The following SEMA3F variants were observed in gnomAD, a reference collection of about 807,000 sequenced individuals.
SEMA3F encodes the protein semaphorin-3F.
A neutral mutation model predicts 98.5 loss-of-function variants in SEMA3F; 30 were observed. The ratio of observed to expected loss-of-function variants is 0.30; its 90% CI spans 0.23 to 0.41. The LOEUF (loss-of-function observed/expected upper bound fraction) is 0.41, where lower values mean the gene tolerates loss of function less well. Among genes scored for constraint, SEMA3F ranks in the 10% least tolerant of loss-of-function variants. The pLI is 1.00. For missense variants in SEMA3F, 866 were observed against 1,119.3 expected (o/e 0.77, Z 3.23); for synonymous variants, 380 against 444.8 (o/e 0.85, Z 1.83).
intron 2 of SEMA3F, among the ~76,000 whole-genome samples, chr3:50,167,277 A>G (rs1698438163): frequency 6.6e-6 from 1 of 152,194 alleles, no homozygotes; most frequent in Non-Finnish European, 1.5e-5. Context: ...TGCATGGACC[A>G]TGGGGAAGGC....
Position 50,175,105 on chromosome 3 carries a change from T to C in SEMA3F, c.466T>C (p.Trp156Arg), listed in dbSNP as rs1227769631. 6.7e-6 allele frequency: 10 copies of C among 1,482,276 alleles called. No individual in the cohort carries two copies. Among genetic ancestry groups the C allele is most frequent in the East Asian group, 3.0e-5 (1 of 32,846 alleles). The allele number at this position is 1,482,276 out of a possible 1,614,324, so 91.8% of individuals were successfully genotyped here. ...TTCCTCGTCTTCTCAGGCCACACCA[T>C]GGACCCAGACTCAGGCGGTCAGAGG... ...NRGRRAQATP[W>R]TQTQAVRGRG... is the part of the protein sequence containing the mutation. Residue 156 changes from tryptophan (W) to arginine (R), a missense_variant, in exon 6 of 19, where the codon TGG (tryptophan) becomes CGG (arginine). Physicochemically the swap from Trp to Arg is moderately radical, Grantham distance 101. Transcript: ENST00000002829.
chr3:50,183,495 C>A lies in SEMA3F; in HGVS notation c.1164C>A (p.Ala388=), dbSNP rs1425665346. 6.2e-7 allele frequency: 1 copy of A among 1,614,076 alleles called. No individual in the cohort carries two copies. The change falls in exon 12 of 19, where the codon GCC becomes GCA. Residue 388 remains alanine (A), a synonymous_variant. Transcript: ENST00000002829. ...GCATGGTCTTCAACGGGCCCTTTGC[C>A]CACAAAGAGGGGCCCAACTACCAGT... is the stretch of plus-strand genomic sequence containing the variant. ...DIRMVFNGPF[A]HKEGPNYQWM... is the part of the protein sequence containing the mutation.
chr3:50,167,997 C>T lies in SEMA3F; in HGVS notation c.113-5796C>T, dbSNP rs144691481. ...AGAGCGGTTATTGAATAAAAACACG[C>T]GGAGTCATTTACATGTTAATTATGT... On this transcript the variant is annotated intron_variant, in intron 2 of 18. Coordinates refer to ENST00000002829, the MANE Select transcript of SEMA3F (RefSeq NM_004186.5). 1.6e-4 allele frequency among the ~76,000 whole-genome samples: 25 copies of T among 152,284 alleles called. 1 individual carries two copies. In the East Asian group the frequency reaches 1.9e-3, roughly 12 times the overall value.
chr3:50,178,848 T>TG (rs1698915258), intron 7 of SEMA3F, among the ~76,000 whole-genome samples: 1 of 142,296 alleles, frequency 7.0e-6, no homozygotes, highest in South Asian at 2.4e-4. Context: ...TTTTTTTTTT[T>TG]TGAGATGGAG....
intron 5 of SEMA3F, 50 bp downstream of exon 5, chr3:50,174,400 C>T (rs753105855): frequency 2.8e-5 from 44 of 1,575,176 alleles, no homozygotes; most frequent in Non-Finnish European, 3.7e-5. Flanking sequence ...GTGGCTGCAT[C>T]CCAGGGTCCT....
At position 50,155,835 on chromosome 3, in the gene SEMA3F, A is replaced by G; in HGVS notation, c.-49+271A>G. On this transcript the variant is annotated intron_variant, in intron 1 of 18. Transcript: ENST00000002829. The surrounding 1 kb of genome is among the most constrained non-coding windows in gnomAD (Gnocchi z 4.9). Reference sequence around the variant, plus strand: ...ATGTGCAAAGCAACTTTTTCCTGCAAGGTTCTGGGTGGGTGCTCTCATACA... The same window carrying G: ...ATGTGCAAAGCAACTTTTTCCTGCAGGGTTCTGGGTGGGTGCTCTCATACA... 6.0e-6 allele frequency: 1 copy of G among 165,864 alleles called. No individual in the cohort carries two copies. Among genetic ancestry groups the G allele is most frequent in the Non-Finnish European group, 1.3e-5 (1 of 77,014 alleles). 10.3% of individuals were successfully genotyped at this position (165,864 alleles called of 1,614,324 possible). A position where few individuals can be genotyped will look rare whatever the true frequency, so the allele number is the denominator to read the frequency against.
chr3:50,165,455 C>A (rs956313395), intron 2 of SEMA3F, among the ~76,000 whole-genome samples: 3 of 152,178 alleles, frequency 2.0e-5, no homozygotes, highest in Non-Finnish European at 4.4e-5. Context: ...CTGGTTGGGA[C>A]GCACAGTTGG....
At chr3:50,155,107 C>A, upstream of SEMA3F, 2 of 413,236 alleles carry the variant, frequency 4.8e-6, no homozygotes, top group Non-Finnish European at 4.5e-6. This position sits in a 1 kb window ranked among gnomAD's most constrained non-coding sequence, Gnocchi z 4.9. Context: ...GCGAACGAAC[C>A]GCGGCGGTCC....
At chr3:50,165,572 A>G (rs1698373777) in intron 2 of SEMA3F, among the ~76,000 whole-genome samples, 1 of 152,170 alleles carries the variant, frequency 6.6e-6, no homozygotes, top group African/African-American at 2.4e-5. Context: ...GGCAGAAAGC[A>G]TGTTTGCCTG....
chr3:50,183,356 C>A, intron 11 of SEMA3F, 64 bp from the exon 12 acceptor site: 1 of 1,603,592 alleles, frequency 6.2e-7, no homozygotes, highest in Non-Finnish European at 8.5e-7. Context: ...GGGGAGGGGG[C>A]AGTTTGGGGA....
In SEMA3F at chr3:50,160,281, C is replaced by A. The variant is rs115249713; in HGVS notation, c.112+547C>A. ...TCCAGGAGGGGACTGTTGGCTGTGA[C>A]TGGCAGGGAGGCCGCCGGTGGGTTC... On this transcript the variant is annotated intron_variant, in intron 2 of 18. Transcript: ENST00000002829. 3.0e-3 allele frequency among the ~76,000 whole-genome samples: 459 copies of A among 152,300 alleles called. 3 individuals carry two copies. The highest frequency in any genetic ancestry group is 0.011 in the African/African-American group (448 of 41,568).
At chr3:50,162,082 C>A (rs1005918928) in intron 2 of SEMA3F, among the ~76,000 whole-genome samples, 12 of 152,194 alleles carry the variant, frequency 7.9e-5, no homozygotes, top group African/African-American at 2.4e-4. Flanking sequence ...CAGTTGACAC[C>A]CCAGGCCTCA....
In SEMA3F at chr3:50,182,926, G is replaced by A; in HGVS notation, c.926G>A (p.Cys309Tyr). Residue 309 changes from cysteine to tyrosine, a missense_variant, in exon 10 of 19, where the codon TGC (cysteine) becomes TAC (tyrosine). Transcript: ENST00000002829. This position sits in a 1 kb window ranked among gnomAD's most constrained non-coding sequence, Gnocchi z 4.5. Reference protein sequence around the residue: ...ICLNDDGGHCCLVNKWSTFLK... With the variant: ...ICLNDDGGHCYLVNKWSTFLK... The stretch of plus-strand genomic sequence containing the variant: ...CAGAACGATGACGGTGGTCACTGTT[G>A]CCTGGTCAACAAGTGGAGCACATTC... 6.2e-7 allele frequency: 1 copy of A among 1,613,928 alleles called. No individual in the cohort carries two copies. Among genetic ancestry groups the A allele is most frequent in the Non-Finnish European group, 8.5e-7 (1 of 1,180,000 alleles).
At position 50,183,232 on chromosome 3, in the gene SEMA3F, T is replaced by G; in HGVS notation, c.1065T>G (p.Ile355Met). Residue 355 changes from isoleucine to methionine, a missense_variant, in exon 11 of 19, where the codon ATT becomes ATG. Physicochemically the swap from Ile to Met is conservative, Grantham distance 10 (BLOSUM62 1). This residue lies in a region of SEMA3F where 374 missense variants were observed against 582.8 expected (regional missense o/e 0.64). Coordinates refer to ENST00000002829, the MANE Select transcript of SEMA3F (RefSeq NM_004186.5). ...CCCAGGACGTGAGGAACCCTGTCAT[T>G]TACGCTGTCTTTACCTCCTCTGGGT... ...QQTQDVRNPVIYAVFTSSGSV... is the reference protein window; with the variant it reads ...QQTQDVRNPVMYAVFTSSGSV... 1 of 1,614,122 alleles carries G rather than the reference T, an allele frequency of 6.2e-7. No individual in the cohort carries two copies. Among genetic ancestry groups the G allele is most frequent in the Non-Finnish European group, 8.5e-7 (1 of 1,180,010 alleles).
intron 12 of SEMA3F, among the ~76,000 whole-genome samples, chr3:50,183,852 G>A (rs778407638): frequency 1.6e-4 from 24 of 152,204 alleles, no homozygotes; most frequent in African/African-American, 5.8e-4. Flanking sequence ...TTCCCTGCAG[G>A]TGCTGGAGGC....
At chr3:50,160,707 C>T (rs1446626024) in intron 2 of SEMA3F, among the ~76,000 whole-genome samples, 1 of 152,236 alleles carries the variant, frequency 6.6e-6, no homozygotes, top group African/African-American at 2.4e-5. Flanking sequence ...GATTTCCGGG[C>T]AGCCATACTG....
upstream of SEMA3F, chr3:50,155,186 C>A (rs1305683314): frequency 2.9e-6 from 1 of 343,344 alleles, no homozygotes; most frequent in Admixed American, 4.8e-5. This position sits in a 1 kb window ranked among gnomAD's most constrained non-coding sequence, Gnocchi z 4.9. Flanking sequence ...CGCGGCCGCC[C>A]GGCCCGGGTC....
At chr3:50,180,410 C>T (rs901279784) in intron 7 of SEMA3F, among the ~76,000 whole-genome samples, 5 of 152,156 alleles carry the variant, frequency 3.3e-5, no homozygotes, top group African/African-American at 1.2e-4. Flanking sequence ...CCTGCCTCAG[C>T]CTCCCAAAGT....
chr3:50,175,269 C>A, intron 6 of SEMA3F, 81 bp downstream of exon 6: 1 of 979,356 alleles, frequency 1.0e-6, no homozygotes, highest in Non-Finnish European at 1.6e-6. Flanking sequence ...CTGAGGCCAG[C>A]CTCCCCAGGG....
Sources: allele counts gnomAD v4.1 joint callset (sites outside exome capture counted in the v4.1 genomes callset), GRCh38; gene constraint gnomAD v4.1.1; regional missense constraint gnomAD v4.1.1; non-coding constraint Gnocchi (gnomAD v3.1); transcripts MANE v1.5; gene names NCBI Gene and HGNC (gene_info 2026-07-23, HGNC 2026-07-21).